Variants in PARD3B observed in about 807,000 individuals in gnomAD.
PARD3B encodes partitioning defective 3 homolog B.
In PARD3B, 103 loss-of-function variants were observed where a neutral mutation model predicts 130.2. The observed-to-expected ratio is 0.79, with a 90% CI of 0.67 to 0.93. PARD3B has a LOEUF of 0.93. PARD3B is among the 40% of genes least tolerant of loss of function. PARD3B has a pLI of 0.00. For missense variants in PARD3B, 1,609 were observed against 1,499.2 expected (o/e 1.07, Z -1.21); for synonymous variants, 583 against 553.2 (o/e 1.05, Z -0.76).
intron 21 of PARD3B, among the ~76,000 whole-genome samples, chr2:205,516,103 A>C (rs939679506): frequency 6.6e-6 from 1 of 152,068 alleles, no homozygotes; most frequent in African/African-American, 2.4e-5. Context: ...TCAGGTGGTC[A>C]TAGGTGTGCA....
At chr2:204,730,082 T>A (rs2039439427) in intron 2 of PARD3B, among the ~76,000 whole-genome samples, 2 of 152,108 alleles carry the variant, frequency 1.3e-5, no homozygotes, top group South Asian at 2.1e-4. Flanking sequence ...TCTTTCTTTC[T>A]TTTTTGAGAC....
At chr2:205,546,004 G>GT (rs907893015) in intron 21 of PARD3B, among the ~76,000 whole-genome samples, 4 of 152,128 alleles carry the variant, frequency 2.6e-5, no homozygotes, top group Admixed American at 2.0e-4. Flanking sequence ...CTTTGCTTTT[G>GT]TAAAGAAAAG....
Position 204,829,499 on chromosome 2 carries a change from C to T in PARD3B, c.223-135653C>T, listed in dbSNP as rs181816745. 1.1e-4 allele frequency among the ~76,000 whole-genome samples: 16 copies of T among 152,200 alleles called. No individual in the cohort carries two copies. In the East Asian group the frequency reaches 3.1e-3, roughly 29 times the overall value. ...TCAAACTCAATGACATAGGAGGTAG[C>T]CATTAATATGTTAGTAAATAAAGTG... On this transcript the variant is annotated intron_variant, in intron 2 of 22. Transcript: ENST00000406610.
chr2:205,261,617 A>G (rs1334778543), intron 16 of PARD3B, among the ~76,000 whole-genome samples: 3 of 152,196 alleles, frequency 2.0e-5, no homozygotes, highest in Admixed American at 1.3e-4. Flanking sequence ...AAAGTCTGAA[A>G]TGGAAAATTC....
At chr2:205,486,549 G>A (rs902122482) in intron 20 of PARD3B, among the ~76,000 whole-genome samples, 2 of 152,312 alleles carry the variant, frequency 1.3e-5, no homozygotes, top group Middle Eastern at 3.4e-3. Context: ...AAACATGGCA[G>A]CATCTGCCTC....
At position 205,123,003 on chromosome 2, in the gene PARD3B, A is replaced by G. The variant is rs1444903118; in HGVS notation, c.1165+1054A>G. Among the ~76,000 whole-genome samples the G allele has an allele frequency of 2.6e-5, 4 of 152,232 alleles. No homozygotes were observed. In the East Asian group the frequency reaches 7.7e-4, roughly 29 times the overall value. On this transcript the variant is annotated intron_variant, in intron 8 of 22. Transcript: ENST00000406610. ...ATTTGGGTGTTTTGAATATAGAAAAATGAATCAGACACAGAATCACCTTAA... is the reference window on the plus strand; with the variant it reads ...ATTTGGGTGTTTTGAATATAGAAAAGTGAATCAGACACAGAATCACCTTAA...
chr2:205,459,023 A>G (rs1045449615), intron 20 of PARD3B, among the ~76,000 whole-genome samples: 1 of 152,136 alleles, frequency 6.6e-6, no homozygotes, highest in East Asian at 1.9e-4. Context: ...CTTCTTCCTT[A>G]GCAGGTTCTC....
At chr2:205,383,733 C>T (rs141606486) in intron 18 of PARD3B, among the ~76,000 whole-genome samples, 1 of 152,172 alleles carries the variant, frequency 6.6e-6, no homozygotes, top group East Asian at 1.9e-4. Context: ...CCCCTCACCC[C>T]TCAAATCACT....
chr2:204,860,671 T>C (rs2045146289), intron 2 of PARD3B, among the ~76,000 whole-genome samples: 1 of 152,224 alleles, frequency 6.6e-6, no homozygotes, highest in South Asian at 2.1e-4. Context: ...TCTGGTGTGA[T>C]TGGAACGTAG....
At chr2:205,554,105 A>G (rs2052772044) in intron 22 of PARD3B, among the ~76,000 whole-genome samples, 1 of 152,252 alleles carries the variant, frequency 6.6e-6, no homozygotes, top group Admixed American at 6.5e-5. Context: ...GAGTACATGC[A>G]GTCCAGCTAC....
intron 3 of PARD3B, among the ~76,000 whole-genome samples, chr2:205,046,508 A>G (rs1698794999): frequency 6.7e-6 from 1 of 150,068 alleles, no homozygotes; most frequent in African/African-American, 2.4e-5. Flanking sequence ...AAGAAAAGGA[A>G]GTTCTATCTG....
rs1302667131 is a variant in PARD3B at position 205,121,178 on chromosome 2, C to T, written c.807-413C>T. Among the ~76,000 whole-genome samples the T allele has an allele frequency of 6.6e-6, 1 of 152,200 alleles. No homozygotes were observed. Among genetic ancestry groups the T allele is most frequent in the Admixed American group, 6.5e-5 (1 of 15,284 alleles). ...TCCTAAAAGAAACCTAACTAATGAT[C>T]TGATCCAAAATATCTATTTTGCTTT... On this transcript the variant is annotated intron_variant, in intron 7 of 22. Coordinates refer to ENST00000406610, the MANE Select transcript of PARD3B (RefSeq NM_001302769.2). The surrounding 1 kb of genome is among the most constrained non-coding windows in gnomAD (Gnocchi z 5.0).
intron 2 of PARD3B, among the ~76,000 whole-genome samples, chr2:204,734,573 G>A (rs1201995092): frequency 1.3e-5 from 2 of 152,162 alleles, no homozygotes; most frequent in Non-Finnish European, 2.9e-5. Flanking sequence ...ACTCAATACA[G>A]TGGAACAACT....
At chr2:204,961,385 G>A (rs901608210) in intron 2 of PARD3B, among the ~76,000 whole-genome samples, 4 of 152,084 alleles carry the variant, frequency 2.6e-5, no homozygotes, top group Non-Finnish European at 5.9e-5. Flanking sequence ...GGGAGAGAAA[G>A]AGAGTTGAAG....
intron 3 of PARD3B, among the ~76,000 whole-genome samples, chr2:205,029,552 A>G (rs1697280516): frequency 6.6e-6 from 1 of 152,212 alleles, no homozygotes; most frequent in Non-Finnish European, 1.5e-5. Flanking sequence ...TAAAATGTTC[A>G]GTCTGCTATG....
intron 3 of PARD3B, among the ~76,000 whole-genome samples, chr2:204,974,141 A>G (rs2125186103): frequency 6.6e-6 from 1 of 152,352 alleles, no homozygotes; most frequent in Middle Eastern, 3.4e-3. Flanking sequence ...CTGTATAAAT[A>G]TGAGACTGTC....
chr2:205,156,543 T>TG (rs1553626967), intron 10 of PARD3B, among the ~76,000 whole-genome samples: 1 of 147,650 alleles, frequency 6.8e-6, no homozygotes, highest in Non-Finnish European at 1.5e-5. Context: ...GAGGAAAAGA[T>TG]AAAAAAAAAA....
chr2:205,593,971 C>T (rs2106606518), intron 22 of PARD3B, among the ~76,000 whole-genome samples: 2 of 152,308 alleles, frequency 1.3e-5, no homozygotes, highest in Middle Eastern at 6.8e-3. Flanking sequence ...AAGAAAAGCA[C>T]ATATTACTTT....
chr2:205,181,090 C>T (rs2035760373), intron 13 of PARD3B, among the ~76,000 whole-genome samples: 1 of 152,130 alleles, frequency 6.6e-6, no homozygotes, highest in Admixed American at 6.5e-5. Context: ...AAGTGCACTC[C>T]TGTCTTAGGC....
Sources: allele counts gnomAD v4.1 joint callset (sites outside exome capture counted in the v4.1 genomes callset), GRCh38; gene constraint gnomAD v4.1.1; non-coding constraint Gnocchi (gnomAD v3.1); transcripts MANE v1.5; gene names NCBI Gene and HGNC (gene_info 2026-07-23, HGNC 2026-07-21).